The following CNTNAP2 variants were observed in gnomAD, a reference collection of about 807,000 sequenced individuals.
The protein encoded by CNTNAP2 is contactin-associated protein-like 2.
CNTNAP2 carries 98 observed loss-of-function variants against 155.2 expected under a neutral mutation model. The ratio of observed to expected loss-of-function variants is 0.63; its 90% CI spans 0.54 to 0.75. The LOEUF is 0.75. Among genes scored for constraint, CNTNAP2 ranks in the 30% least tolerant of loss-of-function variants. The probability of loss-of-function intolerance (pLI) is 0.00; values close to 1 mark genes in which losing one functional copy is unlikely to be tolerated. For missense variants in CNTNAP2, 1,727 were observed against 1,688.1 expected (o/e 1.02, Z -0.40); for synonymous variants, 651 against 631.2 (o/e 1.03, Z -0.47).
intron 10 of CNTNAP2, among the ~76,000 whole-genome samples, chr7:147,414,044 T>C (rs552098295): frequency 7.2e-5 from 11 of 152,244 alleles, no homozygotes; most frequent in East Asian, 1.9e-4. Context: ...TTCTCACTTG[T>C]ATCACCTGTT....
chr7:146,914,368 C>T (rs867887090), intron 3 of CNTNAP2, among the ~76,000 whole-genome samples: 30 of 152,074 alleles, frequency 2.0e-4, no homozygotes, highest in African/African-American at 7.0e-4. Context: ...AAGGAATCTC[C>T]ACACTGTTTT....
At chr7:147,028,573 A>G (rs1798966139) in intron 3 of CNTNAP2, among the ~76,000 whole-genome samples, 1 of 152,198 alleles carries the variant, frequency 6.6e-6, no homozygotes, top group African/African-American at 2.4e-5. Flanking sequence ...CAGCCCGAGT[A>G]GGATTTGTCC....
intron 3 of CNTNAP2, among the ~76,000 whole-genome samples, chr7:147,019,940 C>T (rs1798790224): frequency 6.6e-6 from 1 of 151,206 alleles, no homozygotes; most frequent in East Asian, 1.9e-4. Flanking sequence ...TAGCAGGTAG[C>T]GTGAGAAAAT....
At chr7:148,194,754 A>G (rs887271872) in intron 18 of CNTNAP2, among the ~76,000 whole-genome samples, 4 of 151,992 alleles carry the variant, frequency 2.6e-5, no homozygotes, top group African/African-American at 9.7e-5. Flanking sequence ...CCAGCTCAAG[A>G]AAAAAAAGAG....
At chr7:148,406,162 G>A (rs946265671) in intron 22 of CNTNAP2, among the ~76,000 whole-genome samples, 2 of 152,142 alleles carry the variant, frequency 1.3e-5, no homozygotes, top group Middle Eastern at 3.4e-3. Flanking sequence ...AACCCAGGAG[G>A]CAGAGCTTGC....
At chr7:148,123,073 G>T (rs965729461) in intron 16 of CNTNAP2, among the ~76,000 whole-genome samples, 2 of 152,104 alleles carry the variant, frequency 1.3e-5, no homozygotes, top group Non-Finnish European at 2.9e-5. Context: ...GTCTCTGTGG[G>T]CTATAGGAGG....
intron 8 of CNTNAP2, among the ~76,000 whole-genome samples, chr7:147,221,965 G>T (rs546072709): frequency 5.9e-4 from 90 of 152,228 alleles, no homozygotes; most frequent in African/African-American, 2.0e-3. Context: ...TTTTGTTGTT[G>T]CTGTTCCTCT....
At chr7:146,568,320 T>G (rs549153121) in intron 1 of CNTNAP2, among the ~76,000 whole-genome samples, 42 of 152,218 alleles carry the variant, frequency 2.8e-4, no homozygotes, top group Non-Finnish European at 5.4e-4. Flanking sequence ...TCTCTGGCTG[T>G]GTTCTTGTCT....
intron 22 of CNTNAP2, among the ~76,000 whole-genome samples, chr7:148,397,035 G>T (rs148981014): frequency 2.4e-4 from 37 of 152,292 alleles, no homozygotes; most frequent in African/African-American, 8.9e-4. Context: ...ACTTAAATTT[G>T]TAAACTATTT....
chr7:147,249,352 C>T (rs768643848), intron 8 of CNTNAP2, among the ~76,000 whole-genome samples: 9 of 152,030 alleles, frequency 5.9e-5, no homozygotes, highest in Non-Finnish European at 1.0e-4. Context: ...CTACTCACCA[C>T]GTTAAGAGGC....
intron 11 of CNTNAP2, among the ~76,000 whole-genome samples, chr7:147,535,044 ATTATCCAGGGGG>A (rs1799514743): frequency 6.6e-6 from 1 of 152,160 alleles, no homozygotes; most frequent in African/African-American, 2.4e-5. Flanking sequence ...AATGTGTGGC[ATTATCCAGGGGG>A]TTATTAAATA....
intron 10 of CNTNAP2, among the ~76,000 whole-genome samples, chr7:147,424,061 C>T (rs1297895125): frequency 6.6e-6 from 1 of 152,144 alleles, no homozygotes; most frequent in East Asian, 1.9e-4. Context: ...GCTGATTGGT[C>T]TCACTTTAAA....
intron 1 of CNTNAP2, among the ~76,000 whole-genome samples, chr7:146,381,101 A>C (rs1307593680): frequency 6.6e-6 from 1 of 151,976 alleles, no homozygotes; most frequent in East Asian, 1.9e-4. Flanking sequence ...CCCGGCCTGC[A>C]CGTTCTTATA....
chr7:146,214,243 A>C (rs924404256), intron 1 of CNTNAP2, among the ~76,000 whole-genome samples: 1 of 152,226 alleles, frequency 6.6e-6, no homozygotes, highest in African/African-American at 2.4e-5. Context: ...GGACTAAATA[A>C]GATCATGTAA....
At chr7:147,502,768 C>A (rs888064755) in intron 11 of CNTNAP2, among the ~76,000 whole-genome samples, 6 of 143,424 alleles carry the variant, frequency 4.2e-5, no homozygotes, top group East Asian at 2.0e-4. Flanking sequence ...TAAAACAAAT[C>A]ATCATGTTGT....
At chr7:148,407,533 A>G (rs1168970832) in intron 22 of CNTNAP2, among the ~76,000 whole-genome samples, 2 of 151,962 alleles carry the variant, frequency 1.3e-5, no homozygotes, top group African/African-American at 4.8e-5. Context: ...GGGAAACCCC[A>G]TCTCTACAAA....
At chr7:146,358,022 TTTTATTTA>T (rs375240509) in intron 1 of CNTNAP2, among the ~76,000 whole-genome samples, 3,417 of 149,124 alleles carry the variant, frequency 0.023, 157 homozygotes, top group African/African-American at 0.08. Context: ...ATTTATTTAA[TTTTATTTA>T]TTTATTTATT....
At chr7:146,594,433 T>TACACACACACACACAC (rs4016062) in intron 1 of CNTNAP2, among the ~76,000 whole-genome samples, 92 of 149,454 alleles carry the variant, frequency 6.2e-4, no homozygotes, top group African/African-American at 2.2e-3. Context: ...TACTAGTGTT[T>TACACACACACACACAC]ACACACACAC....
At chr7:147,018,130 G>A (rs886099391) in intron 3 of CNTNAP2, among the ~76,000 whole-genome samples, 6 of 152,000 alleles carry the variant, frequency 3.9e-5, no homozygotes, top group African/African-American at 1.2e-4. Flanking sequence ...AGTATGATAA[G>A]GCACTTAGTA....
Sources: allele counts gnomAD v4.1 joint callset (sites outside exome capture counted in the v4.1 genomes callset), GRCh38; gene constraint gnomAD v4.1.1; transcripts MANE v1.5; gene names NCBI Gene and HGNC (gene_info 2026-07-23, HGNC 2026-07-21).